FRAS1: variants seen among roughly 807,000 people sequenced by gnomAD.
The protein encoded by FRAS1 is Fraser extracellular matrix complex subunit 1.
In FRAS1, 290 loss-of-function variants were observed where a neutral mutation model predicts 435.2. The observed-to-expected ratio is 0.67, with a 90% CI of 0.61 to 0.73. The LOEUF (loss-of-function observed/expected upper bound fraction) is 0.73. Among genes scored for constraint, FRAS1 ranks in the 30% least tolerant of loss-of-function variants. The probability of loss-of-function intolerance (pLI) is 0.00; values close to 1 mark genes in which losing one functional copy is unlikely to be tolerated. For missense variants in FRAS1, 4,860 were observed against 5,001.5 expected (o/e 0.97, Z 0.85); for synonymous variants, 1,800 against 1,851.0 (o/e 0.97, Z 0.71).
chr4:78,373,774 A>T (rs908562622), intron 24 of FRAS1, among the ~76,000 whole-genome samples: 2 of 151,348 alleles, frequency 1.3e-5, no homozygotes, highest in Non-Finnish European at 2.9e-5. Flanking sequence ...ACTCCGTCTT[A>T]AATAATAATA....
Position 78,211,503 on chromosome 4 carries a change from G to A in FRAS1, c.109-26007G>A, listed in dbSNP as rs76271441. Among the ~76,000 whole-genome samples the A allele has an allele frequency of 1.5e-3, 230 of 152,230 alleles. 4 individuals are homozygous for A. The East Asian group carries it at 0.038, about 25-fold the overall frequency. On this transcript the variant is annotated intron_variant, in intron 2 of 73. Transcript: ENST00000512123. ...TAACACAGATCCATGGAGAAGGCAT[G>A]GGGAAAGCCATGTTGTGGCAAGCAT...
At chr4:78,389,667 T>G (rs1732368487) in intron 29 of FRAS1, among the ~76,000 whole-genome samples, 1 of 152,226 alleles carries the variant, frequency 6.6e-6, no homozygotes, top group Admixed American at 6.5e-5. Flanking sequence ...TTGGTTTCTT[T>G]CTAAAGGTTG....
At chr4:78,067,672 T>TTTATTA (rs60743368) in intron 2 of FRAS1, among the ~76,000 whole-genome samples, 4,519 of 125,692 alleles carry the variant, frequency 0.036, 115 homozygotes, top group South Asian at 0.061. Flanking sequence ...TTTTCTTTCT[T>TTTATTA]TTATTATTAT....
intron 37 of FRAS1, among the ~76,000 whole-genome samples, chr4:78,430,763 G>A (rs1578320146): frequency 1.3e-5 from 2 of 151,966 alleles, no homozygotes; most frequent in East Asian, 1.9e-4. Flanking sequence ...GAGATGAATC[G>A]GTCTTAATTT....
At chr4:78,221,893 C>T (rs1045327002) in intron 2 of FRAS1, among the ~76,000 whole-genome samples, 1 of 152,308 alleles carries the variant, frequency 6.6e-6, no homozygotes, top group East Asian at 1.9e-4. Context: ...TGGATGAAGC[C>T]TAGGAAACAA....
rs1373862246 is a variant in FRAS1 at position 78,542,091 on chromosome 4, A to T, written c.*967A>T. ...TTTTTTATTCTGTTAGTGCTTCGGG[A>T]AAGTAAGTGATTCATTTGAATAAGG... On this transcript the variant is annotated 3_prime_UTR_variant, in exon 74 of 74. Transcript: ENST00000512123. 2 of 152,178 alleles carry T rather than the reference A, an allele frequency of 1.3e-5. No homozygotes were observed. The highest frequency in any genetic ancestry group is 2.9e-5 in the Non-Finnish European group (2 of 68,044). The allele number at this position is 152,178 out of a possible 1,614,324, so 9.4% of individuals were successfully genotyped here.
intron 47 of FRAS1, among the ~76,000 whole-genome samples, chr4:78,461,992 G>A (rs551051076): frequency 3.3e-5 from 5 of 152,300 alleles, no homozygotes; most frequent in East Asian, 1.9e-4. Context: ...GTTATGAAGC[G>A]TAAGTTGGAA....
At chr4:78,223,710 G>C (rs1299226016) in intron 2 of FRAS1, among the ~76,000 whole-genome samples, 1 of 152,050 alleles carries the variant, frequency 6.6e-6, no homozygotes, top group Non-Finnish European at 1.5e-5. Context: ...CCTCAACATA[G>C]CACTTCAGAT....
intron 70 of FRAS1, 23 bp from the exon 71 acceptor site, chr4:78,534,426 T>A (rs1400877597): frequency 6.2e-7 from 1 of 1,603,424 alleles, no homozygotes; most frequent in Non-Finnish European, 8.5e-7. Flanking sequence ...CTCAAAGAGC[T>A]CTTTGTTTCT....
chr4:78,527,884 G>A (rs1158389425), intron 70 of FRAS1, among the ~76,000 whole-genome samples: 1 of 152,156 alleles, frequency 6.6e-6, no homozygotes, highest in African/African-American at 2.4e-5. Flanking sequence ...TGATGCAGGG[G>A]ATAGAGGGAA....
intron 9 of FRAS1, among the ~76,000 whole-genome samples, chr4:78,276,945 A>G (rs1347069744): frequency 6.6e-6 from 1 of 152,096 alleles, no homozygotes; most frequent in East Asian, 1.9e-4. Context: ...GGCCTCCTTG[A>G]GCTGCAGTGG....
chr4:78,528,898 G>A (rs765576315), intron 70 of FRAS1, among the ~76,000 whole-genome samples: 9 of 152,130 alleles, frequency 5.9e-5, no homozygotes, highest in African/African-American at 1.2e-4. Context: ...GAGAGTGCAC[G>A]CGCTCCCTTT....
At chr4:78,103,404 C>A (rs1742230495) in intron 2 of FRAS1, among the ~76,000 whole-genome samples, 2 of 152,158 alleles carry the variant, frequency 1.3e-5, no homozygotes, top group Admixed American at 1.3e-4. Flanking sequence ...TAGCTCACAA[C>A]TGTTCCTCAT....
intron 2 of FRAS1, among the ~76,000 whole-genome samples, chr4:78,073,182 A>G (rs79907962): frequency 0.023 from 3,440 of 152,258 alleles, 134 homozygotes; most frequent in African/African-American, 0.077. Context: ...TGTCCATCAT[A>G]ATTAGATGTG....
chr4:78,513,630 A>G, intron 65 of FRAS1, 78 bp downstream of exon 65: 1 of 1,308,728 alleles, frequency 7.6e-7, no homozygotes, highest in Non-Finnish European at 1.1e-6. Context: ...CAGAGTGAGA[A>G]CTGCTTTTCA....
At chr4:78,321,776 G>A (rs572121221) in intron 18 of FRAS1, among the ~76,000 whole-genome samples, 5 of 151,146 alleles carry the variant, frequency 3.3e-5, no homozygotes, top group Admixed American at 1.3e-4. Context: ...ACTCGGGGGC[G>A]GGGGTTACAG....
chr4:78,511,540 T>C (rs1193906300), intron 64 of FRAS1, 34 bp downstream of exon 64: 3 of 1,456,228 alleles, frequency 2.1e-6, no homozygotes, highest in Non-Finnish European at 2.9e-6. Context: ...CACACATAGA[T>C]TGAAGTGAAT....
chr4:78,479,250 C>T (rs72659024), intron 55 of FRAS1, 124 bp from the exon 56 acceptor site: 7,325 of 554,184 alleles, frequency 0.013, 81 homozygotes, highest in Non-Finnish European at 0.017. Context: ...GGTTTTATGT[C>T]AGAGTTTGAA....
intron 19 of FRAS1, among the ~76,000 whole-genome samples, chr4:78,336,245 C>G (rs1275518347): frequency 6.6e-6 from 1 of 152,138 alleles, no homozygotes; most frequent in Admixed American, 6.5e-5. Flanking sequence ...AGTTGCTTTA[C>G]TTTAAATACT....
Sources: gnomAD v4.1 joint callset for allele counts (sites outside exome capture counted in the v4.1 genomes callset) on GRCh38, gnomAD v4.1.1 for gene constraint, MANE v1.5 for transcripts, NCBI Gene and HGNC (gene_info 2026-07-23, HGNC 2026-07-21) for gene names.